The following TMEM233 variants were observed in gnomAD, a reference collection of about 807,000 sequenced individuals.
TMEM233 encodes the protein transmembrane protein 233, also known as dispanin subfamily B member 2.
A neutral mutation model predicts 11.2 loss-of-function variants in TMEM233; 6 were observed. The observed-to-expected ratio is 0.54, with a 90% CI of 0.29 to 1.06. TMEM233 has a LOEUF of 1.06. TMEM233 is among the 50% of genes least tolerant of loss of function. The probability of loss-of-function intolerance (pLI) is 0.08; values close to 1 mark genes in which losing one functional copy is unlikely to be tolerated. For synonymous variants in TMEM233, 59 were observed against 55.8 expected (o/e 1.06, Z -0.26); for missense variants, 127 against 144.7 (o/e 0.88, Z 0.63).
At chr12:119,616,957 G>A (rs1428873401) in intron 1 of TMEM233, among the ~76,000 whole-genome samples, 1 of 152,200 alleles carries the variant, frequency 6.6e-6, no homozygotes, top group African/African-American at 2.4e-5. Context: ...CAGCCCTGTG[G>A]AACTGTGAGT....
chr12:119,603,809 A>T (rs909613616), intron 1 of TMEM233, among the ~76,000 whole-genome samples: 1 of 152,250 alleles, frequency 6.6e-6, no homozygotes, highest in African/African-American at 2.4e-5. Flanking sequence ...ATGAATGAAT[A>T]AATGAATTAA....
intron 1 of TMEM233, among the ~76,000 whole-genome samples, chr12:119,624,293 G>A (rs1168811769): frequency 3.3e-5 from 5 of 151,928 alleles, no homozygotes; most frequent in East Asian, 3.9e-4. Flanking sequence ...CCAGGAGGTC[G>A]AGGCTGCAGT....
At position 119,610,690 on chromosome 12, in the gene TMEM233, T is replaced by A. The variant is rs144997223; in HGVS notation, c.186+16656T>A. Among the ~76,000 whole-genome samples, 770 of 152,316 alleles carry A rather than the reference T, an allele frequency of 5.1e-3. 6 individuals carry two copies. The highest frequency in any genetic ancestry group is 0.018 in the African/African-American group (732 of 41,558). On this transcript the variant is annotated intron_variant, in intron 1 of 2. Transcript: ENST00000426426. ...TCCTGCTGTCCTGTAAAGAGGTGCTTTCCACCATGATTGTAAGTTTCCTGA... is the reference window on the plus strand; with the variant it reads ...TCCTGCTGTCCTGTAAAGAGGTGCTATCCACCATGATTGTAAGTTTCCTGA...
chr12:119,652,749 C>A, the TMEM233 span, among the ~76,000 whole-genome samples: 3 of 152,158 alleles, frequency 2.0e-5, no homozygotes, highest in Non-Finnish European at 4.4e-5. Flanking sequence ...AAAACAAAAC[C>A]AAACCAAAAA....
intron 1 of TMEM233, among the ~76,000 whole-genome samples, chr12:119,626,359 A>G (rs1277047581): frequency 6.6e-6 from 1 of 151,764 alleles, no homozygotes; most frequent in Non-Finnish European, 1.5e-5. Context: ...AGTCTCAGCT[A>G]CTCAGGAGGC....
chr12:119,618,014 C>G (rs1201813398), intron 1 of TMEM233, among the ~76,000 whole-genome samples: 2 of 152,206 alleles, frequency 1.3e-5, no homozygotes, highest in African/African-American at 4.8e-5. Context: ...GTTTCATGGG[C>G]CAGGCCCAGG....
the TMEM233 span, among the ~76,000 whole-genome samples, chr12:119,653,421 T>C: frequency 1.4e-5 from 2 of 141,962 alleles, no homozygotes; most frequent in African/African-American, 5.2e-5. Context: ...AATTAATCAC[T>C]AAACATGTGA....
At chr12:119,654,083 A>G in the TMEM233 span, among the ~76,000 whole-genome samples, 3 of 152,104 alleles carry the variant, frequency 2.0e-5, no homozygotes, top group African/African-American at 7.2e-5. Context: ...AAAATGATAC[A>G]TCACGTACAT....
downstream of TMEM233, among the ~76,000 whole-genome samples, chr12:119,645,265 G>T (rs147832891): frequency 4.1e-3 from 518 of 127,758 alleles, 2 homozygotes; most frequent in African/African-American, 0.015. Flanking sequence ...ATCTTGATAC[G>T]TAACCCTAGA....
Position 119,629,692 on chromosome 12 carries a change from T to C in TMEM233, c.187-44T>C, listed in dbSNP as rs534588747. ...GCCTGAGGACCTCCATCCCTTTCCC[T>C]GTGGGTTATCTGTCATCACCAGCTC... On this transcript the variant is annotated intron_variant, in intron 1 of 2. Transcript: ENST00000426426. The C allele has an allele frequency of 4.6e-6, 7 of 1,523,456 alleles. No individual in the cohort carries two copies. In the South Asian group the frequency reaches 7.6e-5, roughly 16 times the overall value. 94.4% of individuals were successfully genotyped at this position (1,523,456 alleles called of 1,614,324 possible).
chr12:119,650,064 A>G, the TMEM233 span, among the ~76,000 whole-genome samples: 1 of 150,950 alleles, frequency 6.6e-6, no homozygotes, highest in African/African-American at 2.4e-5. Flanking sequence ...AGGCTGAGGC[A>G]GGAGAATGGC....
intron 1 of TMEM233, among the ~76,000 whole-genome samples, chr12:119,596,599 C>A (rs927193274): frequency 6.8e-6 from 1 of 147,184 alleles, no homozygotes; most frequent in African/African-American, 2.5e-5. Context: ...TCAAGCGATC[C>A]TTCCACCCCA....
chr12:119,644,478 CTTT>C (rs58075242), downstream of TMEM233, among the ~76,000 whole-genome samples: 4,391 of 126,914 alleles, frequency 0.035, 146 homozygotes, highest in African/African-American at 0.12. Context: ...TTTTTCTTTT[CTTT>C]TTTTTTTTTT....
At chr12:119,630,801 G>A (rs1248066815) in intron 2 of TMEM233, among the ~76,000 whole-genome samples, 4 of 152,230 alleles carry the variant, frequency 2.6e-5, no homozygotes, top group Non-Finnish European at 5.9e-5. Context: ...GGATATTTAG[G>A]ATTGCTATTT....
downstream of TMEM233, among the ~76,000 whole-genome samples, chr12:119,647,966 C>A (rs1320450239): frequency 6.6e-6 from 1 of 152,188 alleles, no homozygotes; most frequent in East Asian, 1.9e-4. Flanking sequence ...ACCTCGCCCC[C>A]ACTCTACTCA....
downstream of TMEM233, among the ~76,000 whole-genome samples, chr12:119,647,681 GT>G (rs1034809695): frequency 6.6e-6 from 1 of 152,052 alleles, no homozygotes; most frequent in African/African-American, 2.4e-5. Flanking sequence ...AGGTATATGT[GT>G]GCCATGGTGG....
At chr12:119,616,340 G>T (rs1440130720) in intron 1 of TMEM233, among the ~76,000 whole-genome samples, 9 of 152,314 alleles carry the variant, frequency 5.9e-5, no homozygotes, top group Middle Eastern at 6.8e-3. Flanking sequence ...CTATGCTCTT[G>T]TTCTATAAGA....
chr12:119,640,402 C>T (rs557689218), intron 2 of TMEM233, among the ~76,000 whole-genome samples: 27 of 152,230 alleles, frequency 1.8e-4, no homozygotes, highest in Admixed American at 7.2e-4. Context: ...GTGATCCACC[C>T]GCCTCAGCCT....
chr12:119,649,308 GAAGAAAAGAAA>G, the TMEM233 span, among the ~76,000 whole-genome samples: 2 of 151,636 alleles, frequency 1.3e-5, no homozygotes, highest in Admixed American at 6.6e-5. Context: ...CAAAAAAACA[GAAGAAAAGAAA>G]AAGAAAAGGA....
Sources: allele counts gnomAD v4.1 joint callset (sites outside exome capture counted in the v4.1 genomes callset), GRCh38; gene constraint gnomAD v4.1.1; transcripts MANE v1.5; gene names NCBI Gene and HGNC (gene_info 2026-07-23, HGNC 2026-07-21).